Variants in PRUNE2 observed in about 807,000 individuals in gnomAD.
The protein encoded by PRUNE2 is protein prune homolog 2.
PRUNE2 carries 164 observed loss-of-function variants against 252.0 expected under a neutral mutation model. The observed-to-expected ratio is 0.65, with a 90% CI of 0.57 to 0.74. PRUNE2 has a LOEUF of 0.74. PRUNE2 is among the 30% of genes least tolerant of loss of function. The probability of loss-of-function intolerance (pLI) is 0.00; values close to 1 mark genes in which losing one functional copy is unlikely to be tolerated. For synonymous variants in PRUNE2, 1,292 were observed against 1,350.2 expected (o/e 0.96, Z 0.94); for missense variants, 3,495 against 3,711.0 (o/e 0.94, Z 1.51).
intron 8 of PRUNE2, 96 bp downstream of exon 8, chr9:76,704,665 C>T: frequency 1.1e-6 from 1 of 888,238 alleles, no homozygotes; most frequent in Non-Finnish European, 1.7e-6. Flanking sequence ...AGTTTTCTCT[C>T]TACCCTCATT....
rs1049446447 is a variant in PRUNE2 at position 76,808,127 on chromosome 9, G to A, written c.756+15505C>T. ...TGGGAGGCAGAGGTTGCAGTGAGCCGAGATCATGCCACTGCACTCCAGCCT... is the reference window on the plus strand; with the variant it reads ...TGGGAGGCAGAGGTTGCAGTGAGCCAAGATCATGCCACTGCACTCCAGCCT... On this transcript the variant is annotated intron_variant, in intron 6 of 18. Transcript: ENST00000376718. Among the ~76,000 whole-genome samples the A allele has an allele frequency of 1.4e-4, 21 of 152,288 alleles. No individual in the cohort carries two copies. The East Asian group carries it at 2.1e-3, about 15-fold the overall frequency.
chr9:76,721,249 G>A lies in PRUNE2; in HGVS notation c.757-7528C>T, dbSNP rs116053885. 5.9e-3 allele frequency among the ~76,000 whole-genome samples: 899 copies of A among 152,230 alleles called. 5 individuals carry two copies. Among genetic ancestry groups the A allele is most frequent in the African/African-American group, 0.019 (810 of 41,540 alleles). On this transcript the variant is annotated intron_variant, in intron 6 of 18. Transcript: ENST00000376718. ...TTTTAAAGCATTAAAAAAATGTATA[G>A]TGATTTTTCCTTCAGCTAAATCACA...
At chr9:76,734,498 T>C (rs1018093670) in intron 6 of PRUNE2, among the ~76,000 whole-genome samples, 1 of 152,190 alleles carries the variant, frequency 6.6e-6, no homozygotes, top group Non-Finnish European at 1.5e-5. Context: ...AGCCTTGGTT[T>C]CTGTATCTGA....
At chr9:76,740,952 GA>G (rs1170930706) in intron 6 of PRUNE2, among the ~76,000 whole-genome samples, 3 of 152,118 alleles carry the variant, frequency 2.0e-5, no homozygotes, top group Non-Finnish European at 4.4e-5. Context: ...AGTGATGCTT[GA>G]ACCCCACATC....
At chr9:76,776,941 C>CACAG (rs1554763789) in intron 6 of PRUNE2, among the ~76,000 whole-genome samples, 7 of 144,898 alleles carry the variant, frequency 4.8e-5, no homozygotes, top group African/African-American at 1.8e-4. Flanking sequence ...CACACACACA[C>CACAG]ACACAAAGGG....
intron 6 of PRUNE2, among the ~76,000 whole-genome samples, chr9:76,807,020 A>ATGTGTGTGTGTGTGTGTGTG (rs1554779764): frequency 7.8e-5 from 11 of 140,500 alleles, no homozygotes; most frequent in African/African-American, 3.0e-4. Flanking sequence ...ACCTCATACA[A>ATGTGTGTGTGTGTGTGTGTG]TGTGTGTGTG....
At chr9:76,618,984 G>C (rs1830893765) in intron 18 of PRUNE2, among the ~76,000 whole-genome samples, 1 of 152,128 alleles carries the variant, frequency 6.6e-6, no homozygotes, top group South Asian at 2.1e-4. Flanking sequence ...GTATTAAATG[G>C]AAGTTCCAAC....
intron 6 of PRUNE2, among the ~76,000 whole-genome samples, chr9:76,727,606 C>A (rs1000691758): frequency 5.3e-5 from 8 of 150,944 alleles, no homozygotes; most frequent in African/African-American, 1.9e-4. Flanking sequence ...TGAAGTTTAC[C>A]CAGGTATTTT....
intron 12 of PRUNE2, among the ~76,000 whole-genome samples, chr9:76,640,486 C>A (rs1325070820): frequency 6.6e-6 from 1 of 152,158 alleles, no homozygotes; most frequent in African/African-American, 2.4e-5. Context: ...TACTACAGAT[C>A]TTAGAAGATG....
Position 76,705,574 on chromosome 9 carries a change from T to C in PRUNE2, c.6700A>G (p.Ser2234Gly). ...RIPRIENVAT[S>G]IFVTHQEPTP... Reference sequence around the variant, plus strand: ...GGCTCTTGGTGAGTTACAAAAATGCTAGTTGCCACATTTTCAATCCTTGGG... The same window carrying C: ...GGCTCTTGGTGAGTTACAAAAATGCCAGTTGCCACATTTTCAATCCTTGGG... The change falls in exon 8 of 19, where the codon AGC becomes GGC. Residue 2234 changes from serine to glycine, a missense_variant. Ser to Gly is a moderately conservative substitution (Grantham distance 56). Coordinates refer to ENST00000376718, the MANE Select transcript of PRUNE2 (RefSeq NM_015225.3). 6.2e-7 allele frequency: 1 copy of C among 1,614,072 alleles called. No homozygotes were observed. The highest frequency in any genetic ancestry group is 8.5e-7 in the Non-Finnish European group (1 of 1,179,902).
At chr9:76,712,492 TG>T (rs951133353) in intron 7 of PRUNE2, among the ~76,000 whole-genome samples, 1 of 8,890 alleles carries the variant, frequency 1.1e-4, no homozygotes, top group African/African-American at 4.4e-4. Flanking sequence ...ATGGGGAGGG[TG>T]GGTGGGGAGA....
intron 1 of PRUNE2, among the ~76,000 whole-genome samples, chr9:76,887,203 T>C (rs767781973): frequency 2.6e-5 from 4 of 152,140 alleles, no homozygotes; most frequent in Non-Finnish European, 4.4e-5. Flanking sequence ...ACTTGGGACA[T>C]AGATGCAGCC....
chr9:76,649,738 A>G (rs888107459), intron 11 of PRUNE2, among the ~76,000 whole-genome samples: 5 of 152,198 alleles, frequency 3.3e-5, no homozygotes, highest in Non-Finnish European at 5.9e-5. Context: ...TAGTTTACCA[A>G]TTCCATGGAC....
At chr9:76,748,075 C>T (rs1178556246) in intron 6 of PRUNE2, among the ~76,000 whole-genome samples, 1 of 152,062 alleles carries the variant, frequency 6.6e-6, no homozygotes, top group African/African-American at 2.4e-5. Flanking sequence ...AGATTACAGG[C>T]GTGAGCCAAC....
rs928124699 is a variant in PRUNE2, at chr9:76,777,205, G to A, written c.756+46427C>T. Among the ~76,000 whole-genome samples, 13 of 152,302 alleles carry A rather than the reference G, an allele frequency of 8.5e-5. 1 individual carries two copies. The Middle Eastern group carries it at 0.014, about 159-fold the overall frequency. On this transcript the variant is annotated intron_variant, in intron 6 of 18. Transcript: ENST00000376718. ...AGCATGTGAAACTGCTAGGGACAAA[G>A]GGTAAGAAAGACCATTCCAGGATTC...
intron 11 of PRUNE2, 145 bp downstream of exon 11, chr9:76,652,338 A>G: frequency 1.5e-6 from 1 of 654,462 alleles, no homozygotes; most frequent in Non-Finnish European, 2.7e-6. Flanking sequence ...CCAAACTGTC[A>G]ATCATGGCCA....
At chr9:76,723,810 C>CT (rs66816205) in intron 6 of PRUNE2, among the ~76,000 whole-genome samples, 35,486 of 138,568 alleles carry the variant, frequency 0.26, 5,300 homozygotes, top group East Asian at 0.55. Flanking sequence ...GCATATCTTT[C>CT]TTTTTTTTTT....
intron 1 of PRUNE2, among the ~76,000 whole-genome samples, chr9:76,859,500 C>T (rs1466417511): frequency 6.6e-6 from 1 of 152,028 alleles, no homozygotes; most frequent in East Asian, 1.9e-4. Context: ...TTGCTGCTGC[C>T]ATAAACCTTT....
chr9:76,630,064 T>C (rs1836807919), intron 15 of PRUNE2, among the ~76,000 whole-genome samples: 3 of 152,102 alleles, frequency 2.0e-5, no homozygotes. Context: ...CTTGACCATA[T>C]ATTGTGCGGC....
Sources: allele counts gnomAD v4.1 joint callset (sites outside exome capture counted in the v4.1 genomes callset), GRCh38; gene constraint gnomAD v4.1.1; transcripts MANE v1.5; gene names NCBI Gene and HGNC (gene_info 2026-07-23, HGNC 2026-07-21).